The following NR3C1 variants were observed in gnomAD, a reference collection of about 807,000 sequenced individuals.
The protein encoded by NR3C1 is glucocorticoid receptor.
A neutral mutation model predicts 74.0 loss-of-function variants in NR3C1; 14 were observed. The ratio of observed to expected loss-of-function variants is 0.19; its 90% confidence interval spans 0.12 to 0.30. The LOEUF is 0.30. Among genes scored for constraint, NR3C1 ranks in the 10% least tolerant of loss-of-function variants. The pLI is 1.00. For missense variants in NR3C1, 695 were observed against 909.8 expected (o/e 0.76, Z 3.04); for synonymous variants, 308 against 332.5 (o/e 0.93, Z 0.80).
intron 2 of NR3C1, among the ~76,000 whole-genome samples, chr5:143,386,453 G>A (rs1489831566): frequency 6.6e-6 from 1 of 152,180 alleles, no homozygotes; most frequent in Non-Finnish European, 1.5e-5. Flanking sequence ...TAACCTGGAA[G>A]GATGTTCAGG....
chr5:143,390,262 C>G (rs1837995523), intron 2 of NR3C1, among the ~76,000 whole-genome samples: 1 of 151,880 alleles, frequency 6.6e-6, no homozygotes, highest in South Asian at 2.1e-4. Context: ...GAATAAAAGT[C>G]AAAAATATAT....
In NR3C1 at chr5:143,279,391, T is replaced by A; in HGVS notation, c.*2498A>T. On this transcript the variant is annotated 3_prime_UTR_variant, in exon 9 of 9. Transcript: ENST00000394464. Reference sequence around the variant, plus strand: ...AGATTAATGTGTGAGATGTGCTTTCTGGTTTTAACCACATAACATTCTATA... The same window carrying A: ...AGATTAATGTGTGAGATGTGCTTTCAGGTTTTAACCACATAACATTCTATA... 6.4e-7 allele frequency: 1 copy of A among 1,550,502 alleles called. No individual in the cohort carries two copies. Among genetic ancestry groups the A allele is most frequent in the Middle Eastern group, 1.7e-4 (1 of 5,972 alleles).
intron 2 of NR3C1, among the ~76,000 whole-genome samples, chr5:143,325,922 T>TA (rs1824506578): frequency 1.3e-5 from 2 of 152,296 alleles, no homozygotes; most frequent in East Asian, 1.9e-4. Flanking sequence ...GCCAGTTAGA[T>TA]AAAAAATTTA....
chr5:143,433,460 A>ATATATTATTTATTTATTTAAAT (rs1751957766), intron 1 of NR3C1, among the ~76,000 whole-genome samples: 1 of 146,002 alleles, frequency 6.8e-6, no homozygotes, highest in Non-Finnish European at 1.5e-5. Flanking sequence ...AATTATATAT[A>ATATATTATTTATTTATTTAAAT]TATATATATA....
At position 143,279,268 on chromosome 5, in the gene NR3C1, A is replaced by C. The variant is rs906319040; in HGVS notation, c.*2621T>G. On this transcript the variant is annotated 3_prime_UTR_variant, in exon 9 of 9. Coordinates refer to ENST00000394464, the MANE Select transcript of NR3C1 (RefSeq NM_000176.3). ...GAAAAGCCTCCTATAGTTGTCGATG[A>C]GCATCAGTTGACTTATTATTGACAA... 7.2e-7 allele frequency: 1 copy of C among 1,388,170 alleles called. No individual in the cohort carries two copies. Among genetic ancestry groups the C allele is most frequent in the Non-Finnish European group, 9.7e-7 (1 of 1,026,874 alleles). 86.0% of individuals were successfully genotyped at this position (1,388,170 alleles called of 1,614,324 possible).
At chr5:143,354,632 A>G (rs1338088650) in intron 2 of NR3C1, among the ~76,000 whole-genome samples, 1 of 152,172 alleles carries the variant, frequency 6.6e-6, no homozygotes, top group Non-Finnish European at 1.5e-5. Context: ...TGGTGCCTGA[A>G]AACAATTAAA....
intron 2 of NR3C1, among the ~76,000 whole-genome samples, chr5:143,371,642 T>C (rs921170252): frequency 2.0e-5 from 3 of 152,374 alleles, no homozygotes; most frequent in African/African-American, 7.2e-5. Context: ...TCTTACCAGA[T>C]GGGTATCATT....
intron 1 of NR3C1, chr5:143,402,637 C>T (rs1840519665): frequency 2.0e-6 from 2 of 985,538 alleles, no homozygotes; most frequent in South Asian, 9.4e-5. Flanking sequence ...CCACTTCTAA[C>T]AGATAACGCC....
rs571672669 is a variant in NR3C1, at chr5:143,302,865, T to C, written c.1469-2102A>G. 6.0e-4 allele frequency among the ~76,000 whole-genome samples: 92 copies of C among 152,086 alleles called. 1 individual carries two copies. Among genetic ancestry groups the C allele is most frequent in the Non-Finnish European group, 1.0e-3 (70 of 67,926 alleles). On this transcript the variant is annotated intron_variant, in intron 4 of 8. Transcript: ENST00000394464. ...CAACTTTATATAAATTCCTGACCCA[T>C]TGGAGCATATAGTTGATTAGCAGTC...
intron 2 of NR3C1, among the ~76,000 whole-genome samples, chr5:143,376,846 A>T (rs915346461): frequency 6.6e-6 from 1 of 152,180 alleles, no homozygotes. Context: ...CTGATTCACC[A>T]TCTGTGACTT....
chr5:143,372,289 T>C (rs1309494752), intron 2 of NR3C1, among the ~76,000 whole-genome samples: 2 of 152,166 alleles, frequency 1.3e-5, no homozygotes, highest in Non-Finnish European at 2.9e-5. Flanking sequence ...ATTGCCAGGA[T>C]CACCACTCCT....
chr5:143,404,206 C>T, upstream of NR3C1: 1 of 985,374 alleles, frequency 1.0e-6, no homozygotes, highest in Non-Finnish European at 1.2e-6. Flanking sequence ...TGGCCCGCGC[C>T]GCCGCCGCCG....
chr5:143,361,697 AG>A (rs1448389967), intron 2 of NR3C1, among the ~76,000 whole-genome samples: 1 of 152,210 alleles, frequency 6.6e-6, no homozygotes, highest in Non-Finnish European at 1.5e-5. Context: ...AATATTTGTC[AG>A]CTGCTGTAAG....
intron 2 of NR3C1, among the ~76,000 whole-genome samples, chr5:143,370,698 T>C (rs990214991): frequency 4.3e-4 from 66 of 152,190 alleles, no homozygotes; most frequent in African/African-American, 1.6e-3. Flanking sequence ...CTACTCCTAT[T>C]CAAACACCTA....
intron 1 of NR3C1, among the ~76,000 whole-genome samples, chr5:143,424,735 A>T (rs1751442188): frequency 6.6e-6 from 1 of 152,122 alleles, no homozygotes; most frequent in Non-Finnish European, 1.5e-5. Context: ...GGAGAGATGA[A>T]AGGCTCCAAA....
At chr5:143,418,159 T>C (rs535254059) in intron 1 of NR3C1, among the ~76,000 whole-genome samples, 108 of 152,344 alleles carry the variant, frequency 7.1e-4, no homozygotes, top group African/African-American at 2.5e-3. Context: ...AACATAGTGA[T>C]ATATAATCTT....
intron 7 of NR3C1, chr5:143,294,909 A>G (rs1231150194): frequency 1.0e-6 from 1 of 984,500 alleles, no homozygotes; most frequent in Admixed American, 6.2e-5. Context: ...TGTCTTTGCT[A>G]GCTAAAAAGT....
chr5:143,301,383 T>A lies in NR3C1; in HGVS notation c.1469-620A>T, dbSNP rs371918107. 1.1e-4 allele frequency among the ~76,000 whole-genome samples: 16 copies of A among 152,258 alleles called. No individual in the cohort carries two copies. In the South Asian group the frequency reaches 3.3e-3, roughly 32 times the overall value. The stretch of plus-strand genomic sequence containing the variant: ...TTTACATAGGTACTAACATAAATAC[T>A]GCGTGGGACTAAAAACATTTGGGAA... On this transcript the variant is annotated intron_variant, in intron 4 of 8. Coordinates refer to ENST00000394464, the MANE Select transcript of NR3C1 (RefSeq NM_000176.3).
At chr5:143,427,343 G>A (rs1015703026) in intron 1 of NR3C1, among the ~76,000 whole-genome samples, 1 of 151,940 alleles carries the variant, frequency 6.6e-6, no homozygotes, top group African/African-American at 2.4e-5. Context: ...GTCATATTGG[G>A]GACTGCCCTG....
Sources: gnomAD v4.1 joint callset for allele counts (sites outside exome capture counted in the v4.1 genomes callset) on GRCh38, gnomAD v4.1.1 for gene constraint, MANE v1.5 for transcripts, NCBI Gene and HGNC (gene_info 2026-07-23, HGNC 2026-07-21) for gene names.